Variants in NIPAL1 observed in about 807,000 individuals in gnomAD.
NIPAL1 encodes NIPA like domain containing 1.
NIPAL1 carries 35 observed loss-of-function variants against 37.7 expected under a neutral mutation model. The observed-to-expected ratio is 0.93, with a 90% confidence interval of 0.71 to 1.23. The LOEUF (loss-of-function observed/expected upper bound fraction) is 1.23, where lower values mean the gene tolerates loss of function less well. NIPAL1 is among the 50% of genes most tolerant of loss of function. The probability of loss-of-function intolerance (pLI) is 0.00; values close to 1 mark genes in which losing one functional copy is unlikely to be tolerated. For missense variants in NIPAL1, 412 were observed against 473.9 expected (o/e 0.87, Z 1.21); for synonymous variants, 162 against 183.0 (o/e 0.89, Z 0.93).
chr4:48,032,844 A>C, intron 3 of NIPAL1, 149 bp from the exon 4 acceptor site: 2 of 551,294 alleles, frequency 3.6e-6, no homozygotes, highest in Non-Finnish European at 6.5e-6. Flanking sequence ...ATTATCTCCT[A>C]CCTGCTATAA....
At chr4:48,016,950 C>T (rs760057408) in intron 1 of NIPAL1, 65 bp downstream of exon 1, 6 of 1,393,042 alleles carry the variant, frequency 4.3e-6, no homozygotes, top group Non-Finnish European at 5.9e-6. Flanking sequence ...GTGGGCGGTC[C>T]CCGGACACTT....
At position 48,016,853 on chromosome 4, in the gene NIPAL1, TGAG is replaced by T; in HGVS notation, c.16_18del (p.Arg6del). On this transcript the variant is annotated inframe_deletion, in exon 1 of 6. Transcript: ENST00000295461. ...GCTCCCGGGGCCATGGGGGCACAGG[TGAG>T]GCTGCCGCCCGGAGAGCCCTGCCGA... The T allele has an allele frequency of 6.3e-7, 1 of 1,590,116 alleles. No individual in the cohort carries two copies. The highest frequency in any genetic ancestry group is 8.5e-7 in the Non-Finnish European group (1 of 1,171,588).
chr4:48,032,335 T>G lies in NIPAL1; in HGVS notation c.371-658T>G, dbSNP rs143715084. Among the ~76,000 whole-genome samples, 492 of 152,320 alleles carry G rather than the reference T, an allele frequency of 3.2e-3. 3 individuals are homozygous for G. The highest frequency in any genetic ancestry group is 5.1e-3 in the Non-Finnish European group (348 of 68,024). On this transcript the variant is annotated intron_variant, in intron 3 of 5. Transcript: ENST00000295461. The stretch of plus-strand genomic sequence containing the variant: ...CCAGAGCCCAGCTCTTGAAGGGATT[T>G]CTCTCACTCTAGAAGTTATTTATAG...
chr4:48,034,862 AT>A lies in NIPAL1; in HGVS notation c.462-13del. ...GGTAATTGAGCTATAGTGATTTTTA[AT>A]TTTTTCTCTCCCAACAGTGCAATAT... is the stretch of plus-strand genomic sequence containing the variant. On this transcript the variant is annotated intron_variant, in intron 4 of 5. Transcript: ENST00000295461. 2 of 1,601,710 alleles carry A rather than the reference AT, an allele frequency of 1.2e-6. No individual in the cohort carries two copies. Among genetic ancestry groups the A allele is most frequent in the South Asian group, 1.1e-5 (1 of 90,458 alleles).
chr4:48,038,030 G>A lies in NIPAL1; in HGVS notation c.*1858G>A, dbSNP rs927706946. ...TCTAAGCTACTTCAAGACTACCTGA[G>A]GTAATAATGGTAAACTTTATTATTC... On this transcript the variant is annotated 3_prime_UTR_variant, in exon 6 of 6. Coordinates refer to ENST00000295461, the MANE Select transcript of NIPAL1 (RefSeq NM_207330.3). 6.6e-6 allele frequency: 1 copy of A among 151,914 alleles called. No individual in the cohort carries two copies. Among genetic ancestry groups the A allele is most frequent in the African/African-American group, 2.4e-5 (1 of 41,358 alleles). The allele number at this position is 151,914 out of a possible 1,614,324, so 9.4% of individuals were successfully genotyped here.
rs947790512 is a variant in NIPAL1, at chr4:48,037,538, A to G, written c.*1366A>G. The G allele has an allele frequency of 3.8e-5, 6 of 158,928 alleles. No homozygotes were observed. Among genetic ancestry groups the G allele is most frequent in the Non-Finnish European group, 6.9e-5 (5 of 72,120 alleles). 9.8% of individuals were successfully genotyped at this position (158,928 alleles called of 1,614,324 possible). A position where few individuals can be genotyped will look rare whatever the true frequency, so the allele number is the denominator to read the frequency against. On this transcript the variant is annotated 3_prime_UTR_variant, in exon 6 of 6. Coordinates refer to ENST00000295461, the MANE Select transcript of NIPAL1 (RefSeq NM_207330.3). ...AGTTTTCCACAGACTGTTTGGAAGC[A>G]ACTAGAAAAATCTTTGTGAAAAATC...
chr4:48,023,110 ATAT>A (rs1715611978), intron 1 of NIPAL1, among the ~76,000 whole-genome samples: 2 of 101,238 alleles, frequency 2.0e-5, no homozygotes, highest in African/African-American at 7.9e-5. Context: ...AGATCTCGCT[ATAT>A]TGCCCAGGCT....
At chr4:48,026,741 C>T (rs1235158698) in intron 2 of NIPAL1, among the ~76,000 whole-genome samples, 7 of 149,340 alleles carry the variant, frequency 4.7e-5, no homozygotes, top group Admixed American at 1.3e-4. Flanking sequence ...TTTTTTCAGA[C>T]GGGGCTTTGC....
Position 48,036,277 on chromosome 4 carries a change from C to G in NIPAL1, c.*105C>G. ...TAGGAAAGTTAGCATTTTTGCAGTT[C>G]TAACTAATTTAGATGTGAGGCCAAG... On this transcript the variant is annotated 3_prime_UTR_variant, in exon 6 of 6. Coordinates refer to ENST00000295461, the MANE Select transcript of NIPAL1 (RefSeq NM_207330.3). The G allele has an allele frequency of 8.7e-7, 1 of 1,145,552 alleles. No individual in the cohort carries two copies. The highest frequency in any genetic ancestry group is 1.2e-6 in the Non-Finnish European group (1 of 813,564). 71.0% of individuals were successfully genotyped at this position (1,145,552 alleles called of 1,614,324 possible). A position where few individuals can be genotyped will look rare whatever the true frequency, so the allele number is the denominator to read the frequency against.
chr4:48,032,645 A>G (rs1490985491), intron 3 of NIPAL1, among the ~76,000 whole-genome samples: 2 of 152,208 alleles, frequency 1.3e-5, no homozygotes, highest in Admixed American at 6.5e-5. Flanking sequence ...AGCAAGTGAA[A>G]TAATTCTCTG....
intron 2 of NIPAL1, among the ~76,000 whole-genome samples, chr4:48,028,889 TG>T (rs1354134427): frequency 9.2e-5 from 14 of 152,156 alleles, no homozygotes; most frequent in Non-Finnish European, 1.5e-5. Context: ...CTAGTCAGAA[TG>T]GCTATTATTA....
At chr4:48,029,853 CGT>C (rs2109369957) in intron 2 of NIPAL1, among the ~76,000 whole-genome samples, 1 of 151,656 alleles carries the variant, frequency 6.6e-6, no homozygotes, top group South Asian at 2.1e-4. Flanking sequence ...TAGGGAGGTT[CGT>C]GAGAGCATTA....
At position 48,027,286 on chromosome 4, in the gene NIPAL1, G is replaced by A. The variant is rs1311146405; in HGVS notation, c.313+1952G>A. ...GAAAATAGACATGGCATATAAACAA[G>A]AAACAAACAAAATAAGAAATGCAAA... is the stretch of plus-strand genomic sequence containing the variant. On this transcript the variant is annotated intron_variant, in intron 2 of 5. Transcript: ENST00000295461. This position sits in a 1 kb window ranked among gnomAD's most constrained non-coding sequence, Gnocchi z 4.1. 3.9e-5 allele frequency among the ~76,000 whole-genome samples: 6 copies of A among 152,020 alleles called. No individual in the cohort carries two copies. Among genetic ancestry groups the A allele is most frequent in the Non-Finnish European group, 8.8e-5 (6 of 67,990 alleles).
At chr4:48,034,319 A>ATT (rs146606497) in intron 4 of NIPAL1, among the ~76,000 whole-genome samples, 3 of 151,238 alleles carry the variant, frequency 2.0e-5, no homozygotes, top group Admixed American at 6.6e-5. Flanking sequence ...TTTTTTTGTG[A>ATT]TTTTTTTTTC....
chr4:48,038,530 C>T lies in NIPAL1; in HGVS notation c.*2358C>T, dbSNP rs1325833164. On this transcript the variant is annotated 3_prime_UTR_variant, in exon 6 of 6. Coordinates refer to ENST00000295461, the MANE Select transcript of NIPAL1 (RefSeq NM_207330.3). ...GGCTGAGTCAGGAGGATCATTTGAG[C>T]TTAGGAGTTCAAGGCTGCAGTAAGT... 5 of 152,128 alleles carry T rather than the reference C, an allele frequency of 3.3e-5. No homozygotes were observed. Among genetic ancestry groups the T allele is most frequent in the African/African-American group, 1.2e-4 (5 of 41,412 alleles). 9.4% of individuals were successfully genotyped at this position (152,128 alleles called of 1,614,324 possible).
chr4:48,032,964 T>G, intron 3 of NIPAL1, 29 bp from the exon 4 acceptor site: 1 of 1,552,550 alleles, frequency 6.4e-7, no homozygotes, highest in East Asian at 2.2e-5. Context: ...AGCCCATTTT[T>G]TATATCAATA....
chr4:48,025,669 G>T (rs539529037), intron 2 of NIPAL1, among the ~76,000 whole-genome samples: 2 of 152,172 alleles, frequency 1.3e-5, no homozygotes, highest in South Asian at 4.2e-4. Context: ...TGCTATAAAT[G>T]AGCAAGTAAA....
intron 1 of NIPAL1, among the ~76,000 whole-genome samples, chr4:48,020,708 T>C (rs548928393): frequency 2.4e-4 from 37 of 152,294 alleles, no homozygotes; most frequent in African/African-American, 8.7e-4. Flanking sequence ...TTCTGCTGAC[T>C]TCCCATTGGC....
intron 1 of NIPAL1, among the ~76,000 whole-genome samples, chr4:48,023,594 G>A (rs189028871): frequency 6.6e-6 from 1 of 152,300 alleles, no homozygotes; most frequent in East Asian, 1.9e-4. Context: ...GGAAAGATGG[G>A]AAGACAGAAC....
Sources: gnomAD v4.1 joint callset for allele counts (sites outside exome capture counted in the v4.1 genomes callset) on GRCh38, gnomAD v4.1.1 for gene constraint, Gnocchi (gnomAD v3.1) non-coding constraint, MANE v1.5 for transcripts, NCBI Gene and HGNC (gene_info 2026-07-23, HGNC 2026-07-21) for gene names.